The following ERCC8 variants were observed in gnomAD, a reference collection of about 807,000 sequenced individuals.
ERCC8 encodes DNA excision repair protein ERCC-8.
In ERCC8, 52 loss-of-function variants were observed where a neutral mutation model predicts 54.9. The ratio of observed to expected loss-of-function variants is 0.95; its 90% CI spans 0.76 to 1.19. ERCC8 has a LOEUF of 1.19. Ranked by LOEUF, ERCC8 falls within the 50% of genes most tolerant of loss-of-function variation. The pLI is 0.00. For missense variants in ERCC8, 514 were observed against 466.1 expected, an observed-to-expected ratio of 1.10 and a Z score of -0.95; for synonymous variants, 146 against 157.2, an observed-to-expected ratio of 0.93 and a Z score of 0.53.
chr5:60,935,259 G>T (rs111374237), intron 1 of ERCC8, among the ~76,000 whole-genome samples: 1 of 152,066 alleles, frequency 6.6e-6, no homozygotes, highest in East Asian at 1.9e-4. Flanking sequence ...TCCCTGGCTA[G>T]GTATATTCCT....
In ERCC8 at chr5:60,867,361, TCTC is replaced by T. The variant is rs1747775349; in HGVS notation, c.*7251_*7253del. ...CCTCCGCCTTCAGGGTTCAGGCCAT[TCTC>T]CTGCCTCTGATGCCCAAAGTGCTGG... On this transcript the variant is annotated 3_prime_UTR_variant, in exon 12 of 12. Coordinates refer to ENST00000676185, the MANE Select transcript of ERCC8 (RefSeq NM_000082.4). Among the ~76,000 whole-genome samples, 1 of 151,822 alleles carries T rather than the reference TCTC, an allele frequency of 6.6e-6. No individual in the cohort carries two copies. Among genetic ancestry groups the T allele is most frequent in the Admixed American group, 6.6e-5 (1 of 15,234 alleles).
Position 60,872,763 on chromosome 5 carries a change from CA to C in ERCC8, c.*1851del, listed in dbSNP as rs1447339765. On this transcript the variant is annotated 3_prime_UTR_variant, in exon 12 of 12. Coordinates refer to ENST00000676185, the MANE Select transcript of ERCC8 (RefSeq NM_000082.4). ...TATGGAAGACAGTATGGAGTTTCTG[CA>C]AAAAGTTAAAAATAGAACTACATAT... is the stretch of plus-strand genomic sequence containing the variant. Among the ~76,000 whole-genome samples, 1 of 152,090 alleles carries C rather than the reference CA, an allele frequency of 6.6e-6. No individual in the cohort carries two copies. Among genetic ancestry groups the C allele is most frequent in the Admixed American group, 6.6e-5 (1 of 15,258 alleles).
intron 1 of ERCC8, among the ~76,000 whole-genome samples, chr5:60,944,459 G>T (rs922374965): frequency 6.6e-6 from 1 of 152,072 alleles, no homozygotes; most frequent in Non-Finnish European, 1.5e-5. Context: ...TTCATCTCTT[G>T]TCAATGGTCC....
Position 60,898,400 on chromosome 5 carries a change from G to C in ERCC8, c.719C>G (p.Ala240Gly), listed in dbSNP as rs756711431. The change falls in exon 9 of 12, where the codon GCA becomes GGA. Residue 240 changes from alanine to glycine, a missense_variant and splice_region_variant. Coordinates refer to ENST00000676185, the MANE Select transcript of ERCC8 (RefSeq NM_000082.4). ...NGKKSQAVES[A>G]NTAHNGKVNG... is the part of the protein sequence containing the mutation. ...AACTTTCCCATTATGAGCAGTGTTT[G>C]CTGCAATGAAAAACATAGTTCAGTT... 1 of 1,613,274 alleles carries C rather than the reference G, an allele frequency of 6.2e-7. No individual in the cohort carries two copies. The highest frequency in any genetic ancestry group is 8.5e-7 in the Non-Finnish European group (1 of 1,179,452).
At chr5:60,876,588 G>A (rs1382632892) in intron 11 of ERCC8, among the ~76,000 whole-genome samples, 1 of 152,152 alleles carries the variant, frequency 6.6e-6, no homozygotes, top group Non-Finnish European at 1.5e-5. Context: ...GGTGTGAGAT[G>A]GTATCTCATT....
chr5:60,917,329 T>C (rs1283962450), intron 4 of ERCC8, among the ~76,000 whole-genome samples: 1 of 152,030 alleles, frequency 6.6e-6, no homozygotes, highest in Non-Finnish European at 1.5e-5. Flanking sequence ...ATCAGTTTAG[T>C]TGCAGCAAAG....
chr5:60,877,039 C>T (rs868559310), intron 11 of ERCC8, among the ~76,000 whole-genome samples: 1 of 152,180 alleles, frequency 6.6e-6, no homozygotes, highest in South Asian at 2.1e-4. Flanking sequence ...CTTAATCCAT[C>T]TTGAATTGAT....
intron 4 of ERCC8, among the ~76,000 whole-genome samples, chr5:60,913,514 T>C (rs1412642717): frequency 2.0e-5 from 3 of 152,074 alleles, no homozygotes; most frequent in African/African-American, 7.3e-5. Context: ...TAGCAGTCTA[T>C]CAGTTTTGTG....
chr5:60,908,583 A>ATATAT (rs527918086), intron 4 of ERCC8, among the ~76,000 whole-genome samples: 4 of 141,880 alleles, frequency 2.8e-5, no homozygotes, highest in South Asian at 4.4e-4. Flanking sequence ...ATATATATAT[A>ATATAT]TTTTTTTTTT....
chr5:60,910,582 G>A (rs975464228), intron 4 of ERCC8, among the ~76,000 whole-genome samples: 1 of 151,950 alleles, frequency 6.6e-6, no homozygotes, highest in Non-Finnish European at 1.5e-5. Context: ...CTGTGTATTC[G>A]GAATAGTCTT....
In ERCC8 at chr5:60,868,403, G is replaced by A. The variant is rs989859499; in HGVS notation, c.*6212C>T. 2.0e-5 allele frequency among the ~76,000 whole-genome samples: 3 copies of A among 152,132 alleles called. No homozygotes were observed. Among genetic ancestry groups the A allele is most frequent in the African/African-American group, 7.2e-5 (3 of 41,430 alleles). On this transcript the variant is annotated 3_prime_UTR_variant, in exon 12 of 12. Transcript: ENST00000676185. ...TTTACCAGTATCTTCATGAGGAGTG[G>A]TCAGTCAAGAGGACATTGGGCACCT...
In ERCC8 at chr5:60,890,187, T is replaced by C. The variant is rs148796991; in HGVS notation, c.1041+702A>G. Among the ~76,000 whole-genome samples the C allele has an allele frequency of 3.6e-3, 548 of 152,208 alleles. 3 individuals carry two copies. Among genetic ancestry groups the C allele is most frequent in the Non-Finnish European group, 6.4e-3 (432 of 68,012 alleles). ...TATTAATGAATGAATGAATAGGAGA[T>C]TCAAAGTGATAGTCTCCTTGAGCTC... On this transcript the variant is annotated intron_variant, in intron 10 of 11. Transcript: ENST00000676185.
intron 1 of ERCC8, among the ~76,000 whole-genome samples, chr5:60,938,998 G>C (rs1214591830): frequency 1.3e-5 from 2 of 152,086 alleles, no homozygotes; most frequent in South Asian, 2.1e-4. Flanking sequence ...ATGAGAAACA[G>C]CTTTTAGCTT....
intron 9 of ERCC8, chr5:60,892,539 T>A: frequency 1.6e-6 from 1 of 632,352 alleles, no homozygotes; most frequent in South Asian, 1.5e-5. Context: ...CTCCTGACTG[T>A]GTAAGTCTCT....
At chr5:60,929,540 T>A (rs1412143679) in intron 1 of ERCC8, among the ~76,000 whole-genome samples, 1 of 152,170 alleles carries the variant, frequency 6.6e-6, no homozygotes, top group Non-Finnish European at 1.5e-5. Context: ...TGAGCCATAA[T>A]CACTTCATTG....
intron 11 of ERCC8, 118 bp downstream of exon 11, chr5:60,887,322 G>A (rs1012818391): frequency 2.6e-5 from 22 of 848,496 alleles, no homozygotes; most frequent in Non-Finnish European, 4.0e-5. Context: ...AGGTACCTGG[G>A]ACTATAGGTG....
chr5:60,913,971 T>C (rs948886386), intron 4 of ERCC8, among the ~76,000 whole-genome samples: 4 of 152,156 alleles, frequency 2.6e-5, no homozygotes, highest in Admixed American at 6.5e-5. Flanking sequence ...TGTTGTGATT[T>C]GTGTTCTTTT....
In ERCC8 at chr5:60,869,760, A is replaced by T. The variant is rs1747824066; in HGVS notation, c.*4855T>A. 6.6e-6 allele frequency among the ~76,000 whole-genome samples: 1 copy of T among 152,148 alleles called. No individual in the cohort carries two copies. The highest frequency in any genetic ancestry group is 1.5e-5 in the Non-Finnish European group (1 of 68,014). ...AAATGTGCATTTATTATTTCTACAT[A>T]TTTTTTTAAAACTAGGCATTTCATA... is the stretch of plus-strand genomic sequence containing the variant. On this transcript the variant is annotated 3_prime_UTR_variant, in exon 12 of 12. Transcript: ENST00000676185.
chr5:60,918,119 C>T (rs1749490760), intron 4 of ERCC8, 146 bp downstream of exon 4: 2 of 667,314 alleles, frequency 3.0e-6, no homozygotes, highest in Non-Finnish European at 5.4e-6. Flanking sequence ...AGGATATGAA[C>T]TCAAGTAGTC....
Sources: gnomAD v4.1 joint callset for allele counts (sites outside exome capture counted in the v4.1 genomes callset) on GRCh38, gnomAD v4.1.1 for gene constraint, MANE v1.5 for transcripts, NCBI Gene and HGNC (gene_info 2026-07-23, HGNC 2026-07-21) for gene names.